A3GALT2: variants seen among roughly 807,000 people sequenced by gnomAD.
A3GALT2 encodes the protein alpha 1,3-galactosyltransferase 2.
Under a neutral mutation model 16.6 loss-of-function variants are expected in A3GALT2, and 14 were observed. That is an observed-to-expected ratio of 0.84 (90% CI 0.56 to 1.32). The LOEUF (loss-of-function observed/expected upper bound fraction) is 1.32. Among genes scored for constraint, A3GALT2 ranks in the 40% most tolerant of loss-of-function variants. A3GALT2 has a pLI of 0.00. For missense variants in A3GALT2, 600 were observed against 490.9 expected (o/e 1.22, Z -2.10); for synonymous variants, 253 against 218.0 (o/e 1.16, Z -1.42).
Position 33,313,016 on chromosome 1 carries a change from T to G in A3GALT2, c.24-126A>C. The G allele has an allele frequency of 7.8e-6, 6 of 767,230 alleles. No homozygotes were observed. In the South Asian group the frequency reaches 9.7e-5, roughly 12 times the overall value. The allele number at this position is 767,230 out of a possible 1,614,324, so 47.5% of individuals were successfully genotyped here. A position where few individuals can be genotyped will look rare whatever the true frequency, so the allele number is the denominator to read the frequency against. ...GGTTCTTCTGCATGAAGGTAGCCAG[T>G]GTTACCAGTTTCTTGTGCAGGGGCA... On this transcript the variant is annotated intron_variant, in intron 1 of 4. Coordinates refer to ENST00000442999, the MANE Select transcript of A3GALT2 (RefSeq NM_001080438.1).
Position 33,312,196 on chromosome 1 carries a change from A to G in A3GALT2, c.198-7T>C, listed in dbSNP as rs979591449. 1.2e-6 allele frequency: 2 copies of G among 1,612,806 alleles called. No homozygotes were observed. Among genetic ancestry groups the G allele is most frequent in the Non-Finnish European group, 1.7e-6 (2 of 1,179,690 alleles). On this transcript the variant is annotated splice_polypyrimidine_tract_variant and splice_region_variant and intron_variant, in intron 3 of 4. Coordinates refer to ENST00000442999, the MANE Select transcript of A3GALT2 (RefSeq NM_001080438.1). ...CAGAACTTCAGGCCGGGCCCTGGCC[A>G]GGGCAGGGATGGGAAATGGAAATAG...
At chr1:33,309,187 C>G (rs1395322110) in intron 4 of A3GALT2, among the ~76,000 whole-genome samples, 1 of 152,222 alleles carries the variant, frequency 6.6e-6, no homozygotes, top group African/African-American at 2.4e-5. Flanking sequence ...GACACAGTAA[C>G]AATCTGATTT....
intron 1 of A3GALT2, among the ~76,000 whole-genome samples, chr1:33,316,523 A>G (rs1367420560): frequency 6.6e-6 from 1 of 152,058 alleles, no homozygotes; most frequent in Non-Finnish European, 1.5e-5. Context: ...GAGCCTGGCC[A>G]TGGTGGGGTG....
rs1028580725 is a variant in A3GALT2, at chr1:33,320,102, G to A, written c.23+974C>T. Among the ~76,000 whole-genome samples, 4 of 151,864 alleles carry A rather than the reference G, an allele frequency of 2.6e-5. No individual in the cohort carries two copies. Among genetic ancestry groups the A allele is most frequent in the Non-Finnish European group, 5.9e-5 (4 of 68,010 alleles). On this transcript the variant is annotated intron_variant, in intron 1 of 4. Transcript: ENST00000442999. This position sits in a 1 kb window ranked among gnomAD's most constrained non-coding sequence, Gnocchi z 4.3. ...TCTCGGCCCTGTTATTTCTCCCCGT[G>A]GGCTTGGCTTCTTCCCTTCGCACTC...
In A3GALT2 at chr1:33,309,635, C is replaced by T. The variant is rs1233257624; in HGVS notation, c.336-2182G>A. On this transcript the variant is annotated intron_variant, in intron 4 of 4. Transcript: ENST00000442999. ...CTCACCTCCCAGACGGGGTGGCGGT[C>T]GGGCAGAGACGCTCCTCAGTTCCCA... 1.3e-4 allele frequency among the ~76,000 whole-genome samples: 19 copies of T among 150,548 alleles called. No homozygotes were observed. In the East Asian group the frequency reaches 2.0e-3, roughly 16 times the overall value.
At chr1:33,312,394 G>A (rs1256898753) in intron 3 of A3GALT2, 107 bp downstream of exon 3, 3 of 1,332,700 alleles carry the variant, frequency 2.3e-6, no homozygotes, top group South Asian at 1.4e-5. Flanking sequence ...TGGTGGCAGA[G>A]TGCCTGGCTC....
At chr1:33,319,347 G>A (rs1646275210) in intron 1 of A3GALT2, among the ~76,000 whole-genome samples, 1 of 152,208 alleles carries the variant, frequency 6.6e-6, no homozygotes. Context: ...GCTCAGCAAG[G>A]GGGCTGGGCC....
chr1:33,312,466 G>A, intron 3 of A3GALT2, 35 bp downstream of exon 3: 1 of 1,529,990 alleles, frequency 6.5e-7, no homozygotes, highest in South Asian at 1.3e-5. Context: ...GGGTTTGGGG[G>A]TGCCCTTGGA....
At chr1:33,312,420 T>C (rs1646237295) in intron 3 of A3GALT2, 81 bp downstream of exon 3, 11 of 1,397,828 alleles carry the variant, frequency 7.9e-6, no homozygotes, top group Non-Finnish European at 9.8e-6. Flanking sequence ...GGGTGGGAGA[T>C]GTGTGGAGGG....
At chr1:33,313,001 C>T in intron 1 of A3GALT2, 111 bp from the exon 2 acceptor site, 1 of 867,152 alleles carries the variant, frequency 1.2e-6, no homozygotes, top group Non-Finnish European at 1.9e-6. Context: ...GGTTCTTCTG[C>T]ATGAAGGTAG....
At chr1:33,308,255 G>A (rs1459395958) in intron 4 of A3GALT2, among the ~76,000 whole-genome samples, 1 of 150,970 alleles carries the variant, frequency 6.6e-6, no homozygotes, top group African/African-American at 2.4e-5. Flanking sequence ...CTCCATATAA[G>A]AAGTCCCAGA....
rs751486455 is a variant in A3GALT2 at position 33,307,274 on chromosome 1, A to G, written c.515T>C (p.Val172Ala). 3 of 1,446,092 alleles carry G rather than the reference A, an allele frequency of 2.1e-6. No homozygotes were observed. The highest frequency in any genetic ancestry group is 3.0e-5 in the Admixed American group (1 of 33,730). The allele number at this position is 1,446,092 out of a possible 1,614,324, so 89.6% of individuals were successfully genotyped here. A position where few individuals can be genotyped will look rare whatever the true frequency, so the allele number is the denominator to read the frequency against. Residue 172 changes from valine to alanine, a missense_variant, in exon 5 of 5, where the codon GTG becomes GCG. Val to Ala is a moderately conservative substitution (Grantham distance 64). Transcript: ENST00000442999. Reference protein sequence around the residue: ...RVARERRWQDVSMARMRTLHA... With the variant: ...RVARERRWQDASMARMRTLHA... The stretch of plus-strand genomic sequence containing the variant: ...CAACGTGCGCATGCGCGCCATCGAC[A>G]CGTCTTGCCAGCGCCGCTCGCGCGC...
At chr1:33,316,202 G>C (rs1010446840) in intron 1 of A3GALT2, among the ~76,000 whole-genome samples, 1 of 152,108 alleles carries the variant, frequency 6.6e-6, no homozygotes, top group Non-Finnish European at 1.5e-5. Context: ...AGAAACAACA[G>C]TATGCAAAAG....
intron 4 of A3GALT2, among the ~76,000 whole-genome samples, chr1:33,309,977 A>G (rs1382179807): frequency 1.3e-5 from 2 of 152,236 alleles, no homozygotes; most frequent in African/African-American, 2.4e-5. Flanking sequence ...GGTTGTAGCG[A>G]ACTGAGATCA....
At chr1:33,309,260 C>T (rs1284493059) in intron 4 of A3GALT2, among the ~76,000 whole-genome samples, 2 of 152,262 alleles carry the variant, frequency 1.3e-5, no homozygotes, top group African/African-American at 2.4e-5. Flanking sequence ...TCATCATGGC[C>T]TGTTCTCAAT....
chr1:33,315,419 C>T (rs1018155867), intron 1 of A3GALT2, among the ~76,000 whole-genome samples: 15 of 151,740 alleles, frequency 9.9e-5, no homozygotes, highest in Admixed American at 6.6e-4. Flanking sequence ...ATGGTATGCA[C>T]CTGTAGTTCC....
chr1:33,308,750 G>GTTTTGTTTTTTTTT (rs1646216319), intron 4 of A3GALT2, among the ~76,000 whole-genome samples: 1 of 46,130 alleles, frequency 2.2e-5, no homozygotes, highest in African/African-American at 1.2e-4. Flanking sequence ...TGTCAAAGTT[G>GTTTTGTTTTTTTTT]TTTTTTTTTT....
chr1:33,320,794 T>G lies in A3GALT2; in HGVS notation c.23+282A>C, dbSNP rs1646282438. On this transcript the variant is annotated intron_variant, in intron 1 of 4. Coordinates refer to ENST00000442999, the MANE Select transcript of A3GALT2 (RefSeq NM_001080438.1). The surrounding 1 kb of genome is among the most constrained non-coding windows in gnomAD (Gnocchi z 4.3). ...CTGCTTTCCGGCTCGCCAAGGGGGT[T>G]TAGAGTTAAGGGAAGCAAGGGGAGT... is the stretch of plus-strand genomic sequence containing the variant. Among the ~76,000 whole-genome samples, 2 of 151,824 alleles carry G rather than the reference T, an allele frequency of 1.3e-5. No individual in the cohort carries two copies. Among genetic ancestry groups the G allele is most frequent in the Admixed American group, 6.6e-5 (1 of 15,064 alleles).
In A3GALT2 at chr1:33,313,170, A is replaced by G. The variant is rs1646243636; in HGVS notation, c.24-280T>C. Among the ~76,000 whole-genome samples, 3 of 450 alleles carry G rather than the reference A, an allele frequency of 6.7e-3. 1 individual carries two copies. The highest frequency in any genetic ancestry group is 0.018 in the Non-Finnish European group (2 of 110). The allele number at this position is 450 out of a possible 152,430, so 0.3% of individuals were successfully genotyped here. On this transcript the variant is annotated intron_variant, in intron 1 of 4. Coordinates refer to ENST00000442999, the MANE Select transcript of A3GALT2 (RefSeq NM_001080438.1). ...ATGCACAAGTGTTTGTGGCTCAGTG[A>G]CGGAGTTTTTTTTTTTTTTTTTTTT...
Sources: gnomAD v4.1 joint callset for allele counts (sites outside exome capture counted in the v4.1 genomes callset) on GRCh38, gnomAD v4.1.1 for gene constraint, Gnocchi (gnomAD v3.1) non-coding constraint, MANE v1.5 for transcripts, NCBI Gene and HGNC (gene_info 2026-07-23, HGNC 2026-07-21) for gene names.